The following DLGAP1 variants were observed in gnomAD, a reference collection of about 807,000 sequenced individuals.
DLGAP1 encodes the protein disks large-associated protein 1.
DLGAP1 carries 11 observed loss-of-function variants against 90.8 expected under a neutral mutation model. The observed-to-expected ratio is 0.12, with a 90% CI of 0.08 to 0.20. The LOEUF is 0.20. DLGAP1 is among the 10% of genes least tolerant of loss of function. The pLI is 1.00. For synonymous variants in DLGAP1, 558 were observed against 540.7 expected (o/e 1.03, Z -0.44); for missense variants, 1,050 against 1,333.8 (o/e 0.79, Z 3.31).
At chr18:3,613,290 A>T (rs2057716520) in intron 7 of DLGAP1, among the ~76,000 whole-genome samples, 2 of 152,188 alleles carry the variant, frequency 1.3e-5, no homozygotes, top group African/African-American at 4.8e-5. Context: ...AAAAGTTAGC[A>T]TTCTGGAGAA....
chr18:4,232,061 G>A (rs1018951472), intron 1 of DLGAP1, among the ~76,000 whole-genome samples: 1 of 152,160 alleles, frequency 6.6e-6, no homozygotes, highest in African/African-American at 2.4e-5. Context: ...AGGTGAGCTT[G>A]AAGTTTAAAG....
chr18:3,999,926 C>T (rs1599298927), intron 3 of DLGAP1, among the ~76,000 whole-genome samples: 2 of 152,184 alleles, frequency 1.3e-5, no homozygotes, highest in South Asian at 4.1e-4. Context: ...ATTGTCCTGC[C>T]TCAGCCTCCT....
chr18:4,244,333 C>T (rs2078608557), intron 1 of DLGAP1, among the ~76,000 whole-genome samples: 2 of 152,104 alleles, frequency 1.3e-5, no homozygotes, highest in African/African-American at 4.8e-5. Context: ...CCAAAAATTA[C>T]ATTTAATATT....
rs1302502308 is a variant in DLGAP1, at chr18:3,948,935, AAAAT to A, written c.-73+56177_-73+56180del. 2.6e-5 allele frequency among the ~76,000 whole-genome samples: 4 copies of A among 152,318 alleles called. No individual in the cohort carries two copies. The East Asian group carries it at 7.7e-4, about 29-fold the overall frequency. On this transcript the variant is annotated intron_variant, in intron 3 of 12. Coordinates refer to ENST00000315677, the MANE Select transcript of DLGAP1 (RefSeq NM_004746.4). Reference sequence around the variant, plus strand: ...ACCTGTGGAAATAAAAAATTTTAAAAAAATAAATAAAAATATGGACTAAGAAAAA... The same window carrying A: ...ACCTGTGGAAATAAAAAATTTTAAAAAAATAAAAATATGGACTAAGAAAAA...
chr18:3,600,704 A>G (rs116944547), intron 7 of DLGAP1, among the ~76,000 whole-genome samples: 2,202 of 65,154 alleles, frequency 0.034, 437 homozygotes, highest in African/African-American at 0.1. Context: ...ATAGATATCT[A>G]TAGCTATATA....
chr18:3,744,735 G>C (rs1299705876), intron 5 of DLGAP1, among the ~76,000 whole-genome samples: 1 of 152,074 alleles, frequency 6.6e-6, no homozygotes, highest in Non-Finnish European at 1.5e-5. Flanking sequence ...TAGTAGAGAT[G>C]GGGTTTCACC....
At position 3,670,386 on chromosome 18, in the gene DLGAP1, A is replaced by G. The variant is rs111528428; in HGVS notation, c.1591+58749T>C. ...GATTTCAAAAGACGTGCAATCACCA[A>G]TGAACACTTTTTGACTTCCTGGGAA... On this transcript the variant is annotated intron_variant, in intron 7 of 12. Transcript: ENST00000315677. Among the ~76,000 whole-genome samples, 1,388 of 152,272 alleles carry G rather than the reference A, an allele frequency of 9.1e-3. 24 individuals carry two copies. The highest frequency in any genetic ancestry group is 0.031 in the African/African-American group (1,287 of 41,524).
At chr18:4,296,466 C>G (rs1017192694) in intron 1 of DLGAP1, among the ~76,000 whole-genome samples, 1 of 152,206 alleles carries the variant, frequency 6.6e-6, no homozygotes, top group African/African-American at 2.4e-5. Context: ...GAACCACGTG[C>G]TTGCATTCAC....
In DLGAP1 at chr18:3,787,295, G is replaced by A. The variant is rs137907632; in HGVS notation, c.1172+26764C>T. Among the ~76,000 whole-genome samples, 931 of 151,796 alleles carry A rather than the reference G, an allele frequency of 6.1e-3. 12 individuals carry two copies. Among genetic ancestry groups the A allele is most frequent in the East Asian group, 0.043 (220 of 5,156 alleles). On this transcript the variant is annotated intron_variant, in intron 5 of 12. Transcript: ENST00000315677. ...TCAGGAGTTCAAAACCAGCCTGGCC[G>A]ATATGGTGAAACCCCGTCTCTACTA...
At chr18:4,032,117 G>A (rs1393943158) in intron 2 of DLGAP1, among the ~76,000 whole-genome samples, 1 of 152,120 alleles carries the variant, frequency 6.6e-6, no homozygotes, top group East Asian at 1.9e-4. Flanking sequence ...GTTTACCTAA[G>A]GTAACTAAGG....
At chr18:4,139,933 C>A (rs2076469530) in intron 2 of DLGAP1, among the ~76,000 whole-genome samples, 1 of 151,846 alleles carries the variant, frequency 6.6e-6, no homozygotes, top group Admixed American at 6.6e-5. Context: ...TACTCCTGTA[C>A]TTTTTTAGAT....
chr18:4,445,362 A>T (rs1161685621), intron 1 of DLGAP1, among the ~76,000 whole-genome samples: 1 of 151,398 alleles, frequency 6.6e-6, no homozygotes, highest in Non-Finnish European at 1.5e-5. Flanking sequence ...TTAGTTACAT[A>T]CGTATACATG....
chr18:3,875,541 G>A (rs2070976843), intron 4 of DLGAP1, among the ~76,000 whole-genome samples: 1 of 152,168 alleles, frequency 6.6e-6, no homozygotes, highest in Non-Finnish European at 1.5e-5. Flanking sequence ...GACTTTGAAA[G>A]CAGACAAATC....
chr18:4,349,782 A>G lies in DLGAP1; in HGVS notation c.-267+105224T>C, dbSNP rs1469074562. Among the ~76,000 whole-genome samples, 5 of 152,164 alleles carry G rather than the reference A, an allele frequency of 3.3e-5. No individual in the cohort carries two copies. In the South Asian group the frequency reaches 8.3e-4, roughly 25 times the overall value. On this transcript the variant is annotated intron_variant, in intron 1 of 12. Transcript: ENST00000315677. ...ATGAGTACTTCTGGGGGTGTTAATCAGGACAAGTAACAGAAAGGCCTTTGG... is the reference window on the plus strand; with the variant it reads ...ATGAGTACTTCTGGGGGTGTTAATCGGGACAAGTAACAGAAAGGCCTTTGG...
intron 5 of DLGAP1, among the ~76,000 whole-genome samples, chr18:3,780,960 C>T (rs1273654416): frequency 6.6e-6 from 1 of 152,044 alleles, no homozygotes; most frequent in Non-Finnish European, 1.5e-5. Context: ...CAGACATGCA[C>T]CTCCATGCCC....
Position 4,262,695 on chromosome 18 carries a change from C to T in DLGAP1, c.-266-111408G>A, listed in dbSNP as rs551167754. 5.2e-4 allele frequency among the ~76,000 whole-genome samples: 79 copies of T among 152,294 alleles called. 1 individual carries two copies. In the Middle Eastern group the frequency reaches 0.014, roughly 26 times the overall value. On this transcript the variant is annotated intron_variant, in intron 1 of 12. Transcript: ENST00000315677. ...ACAGCAGAGTGCCAGTGGGCACACT[C>T]TCTGTACCCAGACTCCCTGGGTTTG... is the stretch of plus-strand genomic sequence containing the variant.
intron 7 of DLGAP1, among the ~76,000 whole-genome samples, chr18:3,642,835 T>C (rs2058986134): frequency 6.6e-6 from 1 of 152,246 alleles, no homozygotes; most frequent in Non-Finnish European, 1.5e-5. Flanking sequence ...CATTTTAATA[T>C]ACTGCTGGTG....
At chr18:4,249,539 T>C (rs2078734242) in intron 1 of DLGAP1, among the ~76,000 whole-genome samples, 1 of 151,964 alleles carries the variant, frequency 6.6e-6, no homozygotes, top group Non-Finnish European at 1.5e-5. Flanking sequence ...TCTATAGAAG[T>C]ACAGTAACCG....
At chr18:4,051,242 G>C (rs746032046) in intron 2 of DLGAP1, among the ~76,000 whole-genome samples, 1 of 152,114 alleles carries the variant, frequency 6.6e-6, no homozygotes, top group Non-Finnish European at 1.5e-5. Context: ...GCTTGGCTCT[G>C]TGTCCCCACC....
Sources: gnomAD v4.1 joint callset for allele counts (sites outside exome capture counted in the v4.1 genomes callset) on GRCh38, gnomAD v4.1.1 for gene constraint, MANE v1.5 for transcripts, NCBI Gene and HGNC (gene_info 2026-07-23, HGNC 2026-07-21) for gene names.